Variants in NFYC observed in about 807,000 individuals in gnomAD.
NFYC encodes the protein CAAT box DNA-binding protein subunit C.
Under a neutral mutation model 53.1 loss-of-function variants are expected in NFYC, and 25 were observed. The ratio of observed to expected loss-of-function variants is 0.47; its 90% CI spans 0.34 to 0.66. The LOEUF (loss-of-function observed/expected upper bound fraction) is 0.66. NFYC is among the 30% of genes least tolerant of loss of function. NFYC has a pLI of 0.01. For missense variants in NFYC, 260 were observed against 422.7 expected (o/e 0.62, Z 3.38); for synonymous variants, 145 against 152.6 (o/e 0.95, Z 0.37).
chr1:40,713,221 T>A (rs1254092962), intron 1 of NFYC, among the ~76,000 whole-genome samples: 2 of 152,214 alleles, frequency 1.3e-5, no homozygotes, highest in East Asian at 1.9e-4. Flanking sequence ...GTTGATATTT[T>A]GTGATGTTTG....
chr1:40,765,600 G>C (rs1003000264), intron 7 of NFYC, among the ~76,000 whole-genome samples: 18 of 152,086 alleles, frequency 1.2e-4, no homozygotes, highest in Non-Finnish European at 2.4e-4. Context: ...AGGCAGGCTG[G>C]GCAGCCAGGG....
At chr1:40,759,640 G>C (rs1020021532) in intron 6 of NFYC, among the ~76,000 whole-genome samples, 1 of 152,002 alleles carries the variant, frequency 6.6e-6, no homozygotes, top group Non-Finnish European at 1.5e-5. Flanking sequence ...ATGTAGGGGA[G>C]GGGATGAGTA....
rs558296796 is a variant in NFYC at position 40,751,605 on chromosome 1, C to T, written c.292-1546C>T. Among the ~76,000 whole-genome samples, 5 of 152,048 alleles carry T rather than the reference C, an allele frequency of 3.3e-5. No homozygotes were observed. In the South Asian group the frequency reaches 1.0e-3, roughly 32 times the overall value. The stretch of plus-strand genomic sequence containing the variant: ...TGTTGTTGTTGTTGTAGAGATGAGG[C>T]CTTACTATGTTGCCCAGAGCTGGTC... On this transcript the variant is annotated intron_variant, in intron 4 of 9. Coordinates refer to ENST00000447388, the MANE Select transcript of NFYC (RefSeq NM_014223.5).
chr1:40,709,158 A>ACCC (rs1643859587), intron 1 of NFYC, among the ~76,000 whole-genome samples: 1 of 152,110 alleles, frequency 6.6e-6, no homozygotes, highest in African/African-American at 2.4e-5. Flanking sequence ...TCTGAATCTG[A>ACCC]CCCCTGTTCT....
chr1:40,750,450 G>A (rs139369987), intron 4 of NFYC, among the ~76,000 whole-genome samples: 109 of 152,238 alleles, frequency 7.2e-4, no homozygotes, highest in African/African-American at 2.4e-3. Context: ...ACAATGTGCC[G>A]GGCACTTTTC....
intron 2 of NFYC, among the ~76,000 whole-genome samples, chr1:40,741,575 A>G (rs1645343354): frequency 6.6e-6 from 1 of 151,592 alleles, no homozygotes; most frequent in Non-Finnish European, 1.5e-5. Flanking sequence ...ATGTGACAGG[A>G]TGTCTTTCCT....
intron 3 of NFYC, among the ~76,000 whole-genome samples, chr1:40,748,631 C>CGTG (rs1645747351): frequency 6.6e-6 from 1 of 152,100 alleles, no homozygotes; most frequent in South Asian, 2.1e-4. Flanking sequence ...AGAGGGTTTG[C>CGTG]GTGGGCTTGG....
At chr1:40,710,377 G>C (rs1424654094) in intron 1 of NFYC, among the ~76,000 whole-genome samples, 20 of 152,086 alleles carry the variant, frequency 1.3e-4, no homozygotes, top group Admixed American at 1.3e-3. Context: ...TTGTGAATAG[G>C]AAAGTTAAGA....
At chr1:40,753,074 C>T (rs1646004867) in intron 4 of NFYC, 77 bp from the exon 5 acceptor site, 1 of 1,066,850 alleles carries the variant, frequency 9.4e-7, no homozygotes, top group Non-Finnish European at 1.4e-6. Context: ...GTCGTCTTAC[C>T]TTACTTGGAG....
chr1:40,691,943 C>G, intron 1 of NFYC, 76 bp downstream of exon 1: 1 of 330,942 alleles, frequency 3.0e-6, no homozygotes, highest in Non-Finnish European at 6.0e-6. Flanking sequence ...CGCTTCCCGC[C>G]TTCGCCAGAG....
In NFYC at chr1:40,710,684, G is replaced by T. The variant is rs1000878984; in HGVS notation, c.-9+18817G>T. On this transcript the variant is annotated intron_variant, in intron 1 of 9. Transcript: ENST00000447388. ...AAAAGGAGCAGGCCCTATTAGAGGA[G>T]AAGTTTCGAGGGTGTCGATTTGCCT... is the stretch of plus-strand genomic sequence containing the variant. Among the ~76,000 whole-genome samples the T allele has an allele frequency of 2.0e-5, 3 of 152,206 alleles. 1 individual carries two copies. The highest frequency in any genetic ancestry group is 4.1e-4 in the South Asian group (2 of 4,832).
At chr1:40,698,843 G>A (rs184681244) in intron 1 of NFYC, among the ~76,000 whole-genome samples, 4 of 152,080 alleles carry the variant, frequency 2.6e-5, no homozygotes, top group Non-Finnish European at 5.9e-5. Flanking sequence ...TAGTGATCTT[G>A]AGCAGTGTTT....
chr1:40,738,976 G>A, intron 2 of NFYC, 28 bp downstream of exon 2: 12 of 1,523,932 alleles, frequency 7.9e-6, no homozygotes, highest in Non-Finnish European at 1.1e-5. Context: ...ACTTTTATTA[G>A]AAACTTTTAA....
At chr1:40,739,953 G>A (rs1645248965) in intron 2 of NFYC, among the ~76,000 whole-genome samples, 1 of 152,206 alleles carries the variant, frequency 6.6e-6, no homozygotes, top group South Asian at 2.1e-4. Context: ...CATTCAGAGT[G>A]CCTGGAGGTT....
At chr1:40,698,213 A>C (rs1369634632) in intron 1 of NFYC, among the ~76,000 whole-genome samples, 1 of 151,910 alleles carries the variant, frequency 6.6e-6, no homozygotes, top group Admixed American at 6.5e-5. Flanking sequence ...AAATACAAAA[A>C]TTAGCCAGGC....
At chr1:40,705,742 A>T (rs889189949) in intron 1 of NFYC, among the ~76,000 whole-genome samples, 1 of 152,114 alleles carries the variant, frequency 6.6e-6, no homozygotes, top group Admixed American at 6.6e-5. Context: ...TTTAAATTTT[A>T]ATATTTATTT....
At chr1:40,737,622 C>G (rs886704022) in intron 1 of NFYC, among the ~76,000 whole-genome samples, 6 of 152,138 alleles carry the variant, frequency 3.9e-5, no homozygotes, top group African/African-American at 1.4e-4. Context: ...AGCCACCGCA[C>G]CTGGCCTCTC....
intron 1 of NFYC, among the ~76,000 whole-genome samples, chr1:40,710,807 C>G (rs1335349386): frequency 6.6e-6 from 1 of 152,148 alleles, no homozygotes; most frequent in African/African-American, 2.4e-5. Flanking sequence ...AGTCAAAGTT[C>G]CTGGATGCAG....
Position 40,738,925 on chromosome 1 carries a change from G to T in NFYC, c.82G>T (p.Glu28Ter). The T allele has an allele frequency of 6.2e-7, 1 of 1,613,778 alleles. No individual in the cohort carries two copies. The highest frequency in any genetic ancestry group is 8.5e-7 in the Non-Finnish European group (1 of 1,179,636). Residue 28 changes from glutamate to a stop codon, truncating the protein, a stop_gained, in exon 2 of 10, where the codon GAA becomes TAA. Coordinates refer to ENST00000447388, the MANE Select transcript of NFYC (RefSeq NM_014223.5). LOFTEE classifies it high-confidence loss of function. ...ACAGTCGTTCTGGCCTCGGGTCATG[G>T]AAGAAATCCGGAATTTAACAGTGGT... ...SLQSFWPRVM[E>*]EIRNLTVKDF...
Sources: allele counts gnomAD v4.1 joint callset (sites outside exome capture counted in the v4.1 genomes callset), GRCh38; gene constraint gnomAD v4.1.1; transcripts MANE v1.5; gene names NCBI Gene and HGNC (gene_info 2026-07-23, HGNC 2026-07-21).